Variants in FABP1 observed in about 807,000 individuals in gnomAD.
FABP1 encodes fatty acid-binding protein, liver.
A neutral mutation model predicts 13.7 loss-of-function variants in FABP1; 13 were observed. The observed-to-expected ratio is 0.95, with a 90% CI of 0.62 to 1.51. The LOEUF is 1.51. Among genes scored for constraint, FABP1 ranks in the 40% most tolerant of loss-of-function variants. FABP1 has a pLI of 0.00. For synonymous variants in FABP1, 48 were observed against 59.8 expected, an observed-to-expected ratio of 0.80 and a Z score of 0.91; for missense variants, 140 against 155.7, an observed-to-expected ratio of 0.90 and a Z score of 0.54.
chr2:88,126,490 G>A, intron 1 of FABP1, 142 bp from the exon 2 acceptor site: 1 of 808,354 alleles, frequency 1.2e-6, no homozygotes, highest in East Asian at 2.5e-5. Flanking sequence ...CTCACTGGGG[G>A]CTTGTCAGCA....
chr2:88,125,101 G>A (rs6711957), intron 2 of FABP1, among the ~76,000 whole-genome samples: 11,591 of 151,370 alleles, frequency 0.077, 1,445 homozygotes, highest in African/African-American at 0.26. Flanking sequence ...TGAGCCACCC[G>A]CCCAACCAGG....
chr2:88,127,521 T>G (rs140458187), intron 1 of FABP1, among the ~76,000 whole-genome samples: 3 of 152,302 alleles, frequency 2.0e-5, no homozygotes, highest in Middle Eastern at 3.4e-3. Flanking sequence ...TCCATACACC[T>G]GAGGGAATGC....
intron 1 of FABP1, 138 bp from the exon 2 acceptor site, chr2:88,126,486 G>T: frequency 1.2e-6 from 1 of 845,534 alleles, no homozygotes; most frequent in Non-Finnish European, 1.9e-6. Context: ...GAAACTCACT[G>T]GGGGCTTGTC....
intron 3 of FABP1, 34 bp from the exon 4 acceptor site, chr2:88,123,138 T>C (rs1268455179): frequency 6.3e-7 from 1 of 1,575,506 alleles, no homozygotes; most frequent in Non-Finnish European, 8.6e-7. Context: ...GAAGTGTTCA[T>C]CTGATGTTGT....
rs775949688 is a variant in FABP1 at position 88,126,187 on chromosome 2, C to T, written c.229G>A (p.Glu77Lys). ...EECELETMTG[E>K]KVKTVVQLEG... ...GGATGCCCTCCTACCTTGACTTTCT[C>T]CCCTGTCATTGTCTCCAGCTCACAT... is the stretch of plus-strand genomic sequence containing the variant. Residue 77 changes from glutamate to lysine, a missense_variant, in exon 2 of 4, where the codon GAG becomes AAG. Glu to Lys is a moderately conservative substitution (Grantham distance 56). Transcript: ENST00000295834. 6.2e-7 allele frequency: 1 copy of T among 1,606,718 alleles called. No homozygotes were observed. Among genetic ancestry groups the T allele is most frequent in the Non-Finnish European group, 8.5e-7 (1 of 1,174,340 alleles).
chr2:88,126,006 CTA>C, intron 2 of FABP1, 168 bp downstream of exon 2: 1 of 666,554 alleles, frequency 1.5e-6, no homozygotes, highest in Non-Finnish European at 2.5e-6. Flanking sequence ...AGCAGCTTCT[CTA>C]TAAGATTCTT....
chr2:88,123,361 C>T, intron 3 of FABP1: 1 of 500,678 alleles, frequency 2.0e-6, no homozygotes, highest in Non-Finnish European at 3.5e-6. Flanking sequence ...TTCTTTTCTA[C>T]ATCAATGACT....
intron 1 of FABP1, 79 bp from the exon 2 acceptor site, chr2:88,126,427 C>A: frequency 6.9e-7 from 1 of 1,443,594 alleles, no homozygotes; most frequent in Non-Finnish European, 9.6e-7. Flanking sequence ...AGAGAAACGA[C>A]ATGACATGGA....
intron 2 of FABP1, among the ~76,000 whole-genome samples, chr2:88,125,715 G>T (rs1675283833): frequency 6.6e-6 from 1 of 152,204 alleles, no homozygotes; most frequent in Non-Finnish European, 1.5e-5. Flanking sequence ...TGGTATTCTG[G>T]TATTGCTAGC....
At chr2:88,124,400 G>T in intron 3 of FABP1, 94 bp downstream of exon 3, 1 of 826,010 alleles carries the variant, frequency 1.2e-6, no homozygotes. Flanking sequence ...AGGGTGGAGG[G>T]GTGGCATTAG....
At position 88,123,128 on chromosome 2, in the gene FABP1, G is replaced by A. The variant is rs367584087; in HGVS notation, c.334-24C>T. 3.8e-5 allele frequency: 60 copies of A among 1,599,324 alleles called. No homozygotes were observed. In the African/African-American group the frequency reaches 6.9e-4, roughly 18 times the overall value. On this transcript the variant is annotated intron_variant, in intron 3 of 3. Transcript: ENST00000295834. The stretch of plus-strand genomic sequence containing the variant: ...GTCTGAAAGCCAGAAAAGAAATTAT[G>A]AAGTGTTCATCTGATGTTGTATTGT...
At chr2:88,125,623 C>G (rs1287540677) in intron 2 of FABP1, among the ~76,000 whole-genome samples, 1 of 152,192 alleles carries the variant, frequency 6.6e-6, no homozygotes, top group Non-Finnish European at 1.5e-5. Flanking sequence ...GTTGACTGTT[C>G]TTATTTTACA....
At position 88,126,309 on chromosome 2, in the gene FABP1, T is replaced by C. The variant is rs936558818; in HGVS notation, c.107A>G (p.Lys36Arg). Residue 36 changes from lysine to arginine, a missense_variant, in exon 2 of 4, where the codon AAG becomes AGG. Lys to Arg is a conservative substitution (Grantham distance 26). Coordinates refer to ENST00000295834, the MANE Select transcript of FABP1 (RefSeq NM_001443.3). ...ATTCTGCACGATTTCCGACACCCCC[T>C]TGATATCCTTCCCCTTCTGGATGAG... ...EELIQKGKDI[K>R]GVSEIVQNGK... 2 of 1,613,832 alleles carry C rather than the reference T, an allele frequency of 1.2e-6. No individual in the cohort carries two copies. The highest frequency in any genetic ancestry group is 2.7e-5 in the African/African-American group (2 of 74,908).
At chr2:88,127,793 G>A (rs891206852) in intron 1 of FABP1, among the ~76,000 whole-genome samples, 158 bp downstream of exon 1, 2 of 152,156 alleles carry the variant, frequency 1.3e-5, no homozygotes, top group African/African-American at 4.8e-5. Flanking sequence ...AGGACTTGCT[G>A]CAAATAACTC....
At chr2:88,127,646 A>G (rs1424355428) in intron 1 of FABP1, among the ~76,000 whole-genome samples, 1 of 152,102 alleles carries the variant, frequency 6.6e-6, no homozygotes, top group East Asian at 1.9e-4. Flanking sequence ...GTTGGCCTTG[A>G]ATCACTGTTT....
intron 1 of FABP1, 68 bp downstream of exon 1, chr2:88,127,883 G>A: frequency 6.7e-7 from 1 of 1,487,144 alleles, no homozygotes; most frequent in East Asian, 2.3e-5. Flanking sequence ...ACCCTAAATA[G>A]CCACTGCTGG....
chr2:88,124,592 G>A lies in FABP1; in HGVS notation c.241-6C>T. 1.2e-6 allele frequency: 2 copies of A among 1,608,248 alleles called. No homozygotes were observed. Among genetic ancestry groups the A allele is most frequent in the African/African-American group, 1.3e-5 (1 of 74,864 alleles). Reference sequence around the variant, plus strand: ...CCTTCCAACTGAACCACTGTCTGCAGGGAACAGAGAGGTGACCTGTGAGGA... The same window carrying A: ...CCTTCCAACTGAACCACTGTCTGCAAGGAACAGAGAGGTGACCTGTGAGGA... On this transcript the variant is annotated splice_region_variant and splice_polypyrimidine_tract_variant and intron_variant, in intron 2 of 3. Coordinates refer to ENST00000295834, the MANE Select transcript of FABP1 (RefSeq NM_001443.3).
intron 2 of FABP1, 100 bp from the exon 3 acceptor site, chr2:88,124,686 A>C (rs1015153032): frequency 1.3e-6 from 1 of 766,244 alleles, no homozygotes. Context: ...GCTCATAACA[A>C]CCAAAATGCT....
chr2:88,127,207 G>A, intron 1 of FABP1, among the ~76,000 whole-genome samples: 1 of 152,050 alleles, frequency 6.6e-6, no homozygotes, highest in East Asian at 1.9e-4. Context: ...AGCTCAGCCT[G>A]AGCCTTCTCT....
Sources: allele counts gnomAD v4.1 joint callset (sites outside exome capture counted in the v4.1 genomes callset), GRCh38; gene constraint gnomAD v4.1.1; transcripts MANE v1.5; gene names NCBI Gene and HGNC (gene_info 2026-07-23, HGNC 2026-07-21).